The following LRRC43 variants were observed in gnomAD, a reference collection of about 807,000 sequenced individuals.
LRRC43 encodes the protein leucine-rich repeat-containing protein 43.
LRRC43 carries 62 observed loss-of-function variants against 64.3 expected under a neutral mutation model. The ratio of observed to expected loss-of-function variants is 0.96; its 90% CI spans 0.79 to 1.19. The LOEUF is 1.19. Among genes scored for constraint, LRRC43 ranks in the 50% most tolerant of loss-of-function variants. LRRC43 has a pLI of 0.00. For missense variants in LRRC43, 868 were observed against 845.0 expected, an observed-to-expected ratio of 1.03 and a Z score of -0.34; for synonymous variants, 422 against 382.3, an observed-to-expected ratio of 1.10 and a Z score of -1.21.
rs376532409 is a variant in LRRC43, at chr12:122,203,373, C to T, written c.1902C>T (p.Thr634=). The T allele has an allele frequency of 3.7e-6, 6 of 1,613,340 alleles. No individual in the cohort carries two copies. Among genetic ancestry groups the T allele is most frequent in the Non-Finnish European group, 3.4e-6 (4 of 1,179,962 alleles). ...GCGATTACCACCCTGAGCCCCTGAC[C>T]GTAGAGGTGCAGATCCAGCTGAACC... ...YEGDYHPEPL[T]VEVQIQLNQC... is the part of the protein sequence containing the mutation. The change falls in exon 12 of 12, where the codon ACC becomes ACT. Residue 634 remains threonine, a synonymous_variant. Coordinates refer to ENST00000339777, the MANE Select transcript of LRRC43 (RefSeq NM_001098519.2).
intron 1 of LRRC43, chr12:122,174,331 T>C: frequency 1.2e-6 from 1 of 826,928 alleles, no homozygotes; most frequent in Non-Finnish European, 2.0e-6. Context: ...CAGAAAACAC[T>C]CAAAAGTTCT....
rs114768579 is a variant in LRRC43, at chr12:122,170,286, G to A, written c.-406+2504G>A. ...AGTCCACCACACTGGATATTTTCTG[G>A]AAAGATCACCAAAACCTTGTCATTG... On this transcript the variant is annotated intron_variant, in intron 1 of 5. Coordinates refer to the LRRC43 transcript ENST00000537729. Among the ~76,000 whole-genome samples the A allele has an allele frequency of 7.8e-3, 1,182 of 152,208 alleles. 14 individuals are homozygous for A. The highest frequency in any genetic ancestry group is 0.027 in the African/African-American group (1,107 of 41,528).
intron 5 of LRRC43, 28 bp downstream of exon 5, chr12:122,190,396 G>T: frequency 1.3e-6 from 2 of 1,578,020 alleles, no homozygotes; most frequent in Non-Finnish European, 1.7e-6. Flanking sequence ...CAGGGAGGGG[G>T]TGGCATGTGA....
At chr12:122,197,923 C>T (rs1248216997) in intron 7 of LRRC43, among the ~76,000 whole-genome samples, 1 of 151,700 alleles carries the variant, frequency 6.6e-6, no homozygotes, top group Non-Finnish European at 1.5e-5. Context: ...TTTTTTCATG[C>T]CATTTTTTAT....
chr12:122,171,090 A>G (rs1484848129), intron 1 of LRRC43, among the ~76,000 whole-genome samples: 1 of 152,230 alleles, frequency 6.6e-6, no homozygotes, highest in Non-Finnish European at 1.5e-5. Context: ...GGACCTGGCT[A>G]GGAAGAAGTC....
chr12:122,197,320 C>G (rs776039796), intron 7 of LRRC43, among the ~76,000 whole-genome samples: 3 of 131,574 alleles, frequency 2.3e-5, no homozygotes, highest in Admixed American at 7.2e-5. Context: ...GTCACCACCC[C>G]TGGCCAATTT....
rs745439291 is a variant in LRRC43, at chr12:122,201,339, G to C, written c.1843+10G>C. 15 of 1,613,292 alleles carry C rather than the reference G, an allele frequency of 9.3e-6. No individual in the cohort carries two copies. In the East Asian group the frequency reaches 3.1e-4, roughly 34 times the overall value. ...AAAGTTGCCAAAAAAGGTGAGTGCC[G>C]ATGGTGGTGACCAAAGGCAGGGATT... On this transcript the variant is annotated intron_variant, in intron 11 of 11. Transcript: ENST00000339777.
rs748869203 is a variant in LRRC43, at chr12:122,203,384, A to C, written c.1913A>C (p.Gln638Pro). The C allele has an allele frequency of 8.1e-6, 13 of 1,613,194 alleles. No homozygotes were observed. The highest frequency in any genetic ancestry group is 1.0e-5 in the Non-Finnish European group (12 of 1,179,896). ...CCTGAGCCCCTGACCGTAGAGGTGC[A>C]GATCCAGCTGAACCAGTGCCGCTCG... ...YHPEPLTVEV[Q>P]IQLNQCRSAE... The change falls in exon 12 of 12, where the codon CAG becomes CCG. Residue 638 changes from glutamine to proline, a missense_variant. Physicochemically the swap from Gln to Pro is moderately conservative, Grantham distance 76. Transcript: ENST00000339777.
At chr12:122,180,795 C>A (rs1953574875), upstream of LRRC43, among the ~76,000 whole-genome samples, 1 of 152,176 alleles carries the variant, frequency 6.6e-6, no homozygotes, top group African/African-American at 2.4e-5. Context: ...TGCTTGATTT[C>A]CCCTCTCAGT....
chr12:122,190,302 G>C lies in LRRC43; in HGVS notation c.835G>C (p.Val279Leu), dbSNP rs767637298. 5.6e-6 allele frequency: 9 copies of C among 1,614,146 alleles called. No homozygotes were observed. The South Asian group carries it at 9.9e-5, about 18-fold the overall frequency. ...CATCGACAGCCTGGCCCAGCTCTGC[G>C]TGCTGGACGACATCACCGTGTCTCC... ...LTIDSLAQLC[V>L]LDDITVSPNE... The change falls in exon 5 of 12, where the codon GTG becomes CTG. Residue 279 changes from valine (V) to leucine (L), a missense_variant. Val to Leu is a conservative substitution (Grantham distance 32, BLOSUM62 1). Transcript: ENST00000339777.
At chr12:122,202,263 C>T (rs559798959) in intron 11 of LRRC43, 4 of 151,712 alleles carry the variant, frequency 2.6e-5, no homozygotes, top group African/African-American at 7.3e-5. Flanking sequence ...TGGATTCTTA[C>T]AGCTACTTCT....
intron 7 of LRRC43, among the ~76,000 whole-genome samples, chr12:122,199,577 C>T (rs997040267): frequency 2.0e-5 from 3 of 151,682 alleles, no homozygotes; most frequent in Admixed American, 6.6e-5. Context: ...TCACCCTGCC[C>T]GGCCTCTGCT....
chr12:122,190,141 T>C lies in LRRC43; in HGVS notation c.674T>C (p.Val225Ala). 1.2e-6 allele frequency: 2 copies of C among 1,613,958 alleles called. No homozygotes were observed. The highest frequency in any genetic ancestry group is 1.7e-6 in the Non-Finnish European group (2 of 1,179,968). Reference protein sequence around the residue: ...YVTANHWPNLVSLDLGFNDLT... With the variant: ...YVTANHWPNLASLDLGFNDLT... The stretch of plus-strand genomic sequence containing the variant: ...TGCTCACCTTCCAGGCCCAACCTCG[T>C]CTCCCTGGACCTGGGCTTCAACGAC... Residue 225 changes from valine to alanine, a missense_variant, in exon 5 of 12, where the codon GTC becomes GCC. Physicochemically the swap from Val to Ala is moderately conservative, Grantham distance 64. Coordinates refer to ENST00000339777, the MANE Select transcript of LRRC43 (RefSeq NM_001098519.2).
chr12:122,182,957 C>T (rs1953595459), upstream of LRRC43: 13 of 930,226 alleles, frequency 1.4e-5, no homozygotes, highest in Non-Finnish European at 1.8e-5. Context: ...GCGGGAGCTG[C>T]CGCACTTAGA....
At position 122,171,472 on chromosome 12, in the gene LRRC43, C is replaced by G. The variant is rs545978612; in HGVS notation, c.-406+3690C>G. ...GAACTCCTGGGCTCAAGCAATCCTC[C>G]CACCTCAGCCTCCCAAGTAGCACAC... On this transcript the variant is annotated intron_variant, in intron 1 of 5. Transcript: ENST00000537729. 1.2e-4 allele frequency among the ~76,000 whole-genome samples: 19 copies of G among 152,270 alleles called. No individual in the cohort carries two copies. The South Asian group carries it at 3.7e-3, about 30-fold the overall frequency.
At position 122,203,421 on chromosome 12, in the gene LRRC43, T is replaced by A. The variant is rs371751939; in HGVS notation, c.1950T>A (p.Ala650=). 1 of 1,611,538 alleles carries A rather than the reference T, an allele frequency of 6.2e-7. No individual in the cohort carries two copies. Among genetic ancestry groups the A allele is most frequent in the Non-Finnish European group, 8.5e-7 (1 of 1,179,554 alleles). Residue 650 remains alanine (A), a synonymous_variant, in exon 12 of 12, where the codon GCT becomes GCA. Coordinates refer to ENST00000339777, the MANE Select transcript of LRRC43 (RefSeq NM_001098519.2). ...ACCAGTGCCGCTCGGCGGAGGAGGC[T>A]CTGCGCATGTTCGCCGTGTAGGGCG... ...QLNQCRSAEE[A]LRMFAV
chr12:122,182,074 T>A (rs999462403), upstream of LRRC43, among the ~76,000 whole-genome samples: 2 of 152,034 alleles, frequency 1.3e-5, no homozygotes, highest in Non-Finnish European at 2.9e-5. Context: ...TCCTCAGGAA[T>A]GGGATCAATG....
chr12:122,188,023 C>A, intron 4 of LRRC43, 183 bp downstream of exon 4: 1 of 605,610 alleles, frequency 1.7e-6, no homozygotes, highest in Non-Finnish European at 2.8e-6. Context: ...AAACAAAAAG[C>A]CCGGGGAAGG....
chr12:122,192,822 CAT>C lies in LRRC43; in HGVS notation c.1168_1169del (p.Ile390CysfsTer2). 6.2e-7 allele frequency: 1 copy of C among 1,610,698 alleles called. No homozygotes were observed. The highest frequency in any genetic ancestry group is 8.5e-7 in the Non-Finnish European group (1 of 1,179,992). On this transcript the variant is annotated frameshift_variant, in exon 7 of 12. Coordinates refer to ENST00000339777, the MANE Select transcript of LRRC43 (RefSeq NM_001098519.2). LOFTEE classifies it high-confidence loss of function. Reference protein sequence around the residue: ...EEVVEDVIEDIVEEVTEEVEG... With the variant: ...EEVVEDVIEDXVEEVTEEVEG... ...AGGTCGTGGAAGACGTCATCGAAGA[CAT>C]TGTTGAAGAGGTTACTGAAGAGGTC...
Sources: gnomAD v4.1 joint callset for allele counts (sites outside exome capture counted in the v4.1 genomes callset) on GRCh38, gnomAD v4.1.1 for gene constraint, MANE v1.5 for transcripts, NCBI Gene and HGNC (gene_info 2026-07-23, HGNC 2026-07-21) for gene names.